The following TMEM232 variants were observed in gnomAD, a reference collection of about 807,000 sequenced individuals.
TMEM232 encodes transmembrane protein 232.
A neutral mutation model predicts 78.8 loss-of-function variants in TMEM232; 80 were observed. The observed-to-expected ratio is 1.01, with a 90% CI of 0.85 to 1.22. TMEM232 has a LOEUF of 1.22. TMEM232 is among the 50% of genes most tolerant of loss of function. The pLI is 0.00. For synonymous variants in TMEM232, 297 were observed against 254.3 expected (o/e 1.17, Z -1.60); for missense variants, 881 against 742.2 (o/e 1.19, Z -2.17).
intron 1 of TMEM232, among the ~76,000 whole-genome samples, chr5:110,680,901 G>C (rs1792661343): frequency 6.6e-6 from 1 of 152,000 alleles, no homozygotes; most frequent in Non-Finnish European, 1.5e-5. Context: ...AAGGAGAGAG[G>C]AAAATGGGGT....
intron 2 of TMEM232, among the ~76,000 whole-genome samples, chr5:110,732,646 TC>T (rs35354783): frequency 6.6e-6 from 1 of 152,074 alleles, no homozygotes; most frequent in Non-Finnish European, 1.5e-5. Flanking sequence ...TTCAATTACC[TC>T]CCCCTGGGTC....
At chr5:110,470,478 T>A (rs1210403651) in intron 12 of TMEM232, among the ~76,000 whole-genome samples, 1 of 152,100 alleles carries the variant, frequency 6.6e-6, no homozygotes, top group Non-Finnish European at 1.5e-5. Context: ...CTGCAGCTGC[T>A]TAGGAACCAA....
At chr5:110,734,538 A>G (rs1432486642) in intron 2 of TMEM232, among the ~76,000 whole-genome samples, 2 of 152,238 alleles carry the variant, frequency 1.3e-5, no homozygotes, top group African/African-American at 4.8e-5. Flanking sequence ...ATTAAGTCCA[A>G]TAATTCGGGA....
intron 2 of TMEM232, among the ~76,000 whole-genome samples, chr5:110,660,815 C>G (rs1288159709): frequency 2.0e-5 from 3 of 152,106 alleles, no homozygotes; most frequent in Non-Finnish European, 2.9e-5. Context: ...TCACCTCAAG[C>G]ATTTATCATT....
intron 12 of TMEM232, among the ~76,000 whole-genome samples, chr5:110,521,229 T>A (rs576877792): frequency 1.3e-5 from 2 of 152,176 alleles, no homozygotes; most frequent in Non-Finnish European, 1.5e-5. Context: ...ACATTGAACA[T>A]TGTCATATAC....
intron 1 of TMEM232, among the ~76,000 whole-genome samples, chr5:110,667,982 C>G (rs1304543886): frequency 6.6e-6 from 1 of 151,954 alleles, no homozygotes; most frequent in African/African-American, 2.4e-5. Context: ...ACTAAGACAT[C>G]CTATTTGTGT....
At position 110,545,663 on chromosome 5, in the gene TMEM232, G is replaced by C. The variant is rs560050148; in HGVS notation, c.1456-16828C>G. Among the ~76,000 whole-genome samples, 465 of 152,002 alleles carry C rather than the reference G, an allele frequency of 3.1e-3. 3 individuals are homozygous for C. The highest frequency in any genetic ancestry group is 0.011 in the African/African-American group (444 of 41,496). ...TTTGCTGCTCTATAGAGCACATTAG[G>C]GATATGGAAATATCATTAAGAATAA... On this transcript the variant is annotated intron_variant, in intron 11 of 13. Coordinates refer to ENST00000455884, the MANE Select transcript of TMEM232 (RefSeq NM_001039763.4).
chr5:110,515,684 A>G (rs1334769022), intron 12 of TMEM232, among the ~76,000 whole-genome samples: 2 of 152,126 alleles, frequency 1.3e-5, no homozygotes, highest in Non-Finnish European at 2.9e-5. Context: ...TTCTTAACCT[A>G]TTTCATGGGG....
chr5:110,432,574 A>G (rs889383390), intron 12 of TMEM232, among the ~76,000 whole-genome samples: 3 of 151,722 alleles, frequency 2.0e-5, no homozygotes, highest in African/African-American at 7.2e-5. Context: ...TACATAATCG[A>G]GACTACCACA....
intron 12 of TMEM232, among the ~76,000 whole-genome samples, chr5:110,482,609 T>A (rs1257962026): frequency 1.3e-5 from 2 of 149,492 alleles, no homozygotes; most frequent in African/African-American, 2.5e-5. Flanking sequence ...ATATATATAT[T>A]ATTTTTAATT....
chr5:110,732,109 A>T (rs1321313450), intron 2 of TMEM232, among the ~76,000 whole-genome samples: 3 of 152,220 alleles, frequency 2.0e-5, no homozygotes, highest in South Asian at 4.1e-4. Flanking sequence ...TTGCTGAAAT[A>T]TAACAAGAGT....
intron 12 of TMEM232, among the ~76,000 whole-genome samples, chr5:110,444,532 T>C (rs1232847828): frequency 6.6e-6 from 1 of 152,160 alleles, no homozygotes; most frequent in South Asian, 2.1e-4. Flanking sequence ...TCAAGTACTA[T>C]GGTTCTTGTG....
chr5:110,425,550 T>C (rs539994532), intron 12 of TMEM232, among the ~76,000 whole-genome samples: 1 of 151,926 alleles, frequency 6.6e-6, no homozygotes, highest in African/African-American at 2.4e-5. Flanking sequence ...TTCAAAAAAG[T>C]CTAGTCAATT....
At chr5:110,648,616 C>T (rs1449823181) in intron 2 of TMEM232, among the ~76,000 whole-genome samples, 1 of 151,730 alleles carries the variant, frequency 6.6e-6, no homozygotes. Context: ...AATTCCATTC[C>T]CCTAAAAAAA....
exon 5 of TMEM232, chr5:110,387,869 T>C (rs1755044594): frequency 6.6e-6 from 1 of 152,166 alleles, no homozygotes; most frequent in Non-Finnish European, 1.5e-5. Flanking sequence ...TCCTTTTCGC[T>C]GATTAATGTT....
At chr5:110,507,803 AT>A (rs993214083) in intron 12 of TMEM232, among the ~76,000 whole-genome samples, 2 of 152,044 alleles carry the variant, frequency 1.3e-5, no homozygotes, top group East Asian at 1.9e-4. Context: ...TCAGATTTCT[AT>A]TTTTTTTAAA....
intron 11 of TMEM232, among the ~76,000 whole-genome samples, chr5:110,552,923 A>G (rs987176893): frequency 2.0e-5 from 3 of 152,050 alleles, no homozygotes; most frequent in African/African-American, 7.2e-5. Flanking sequence ...TGTGTATGGT[A>G]TAAGGAAGGG....
intron 1 of TMEM232, among the ~76,000 whole-genome samples, chr5:110,709,283 G>C (rs187215301): frequency 6.6e-6 from 1 of 152,226 alleles, no homozygotes; most frequent in East Asian, 1.9e-4. Context: ...CGAATGAATA[G>C]CTGGAGACTT....
chr5:110,667,464 C>T (rs567333391), intron 1 of TMEM232, 100 bp from the exon 2 acceptor site: 7 of 901,764 alleles, frequency 7.8e-6, no homozygotes, highest in African/African-American at 1.8e-5. Context: ...ATAGCAAGAA[C>T]TAAAGTTAGG....
Sources: allele counts gnomAD v4.1 joint callset (sites outside exome capture counted in the v4.1 genomes callset), GRCh38; gene constraint gnomAD v4.1.1; transcripts MANE v1.5; gene names NCBI Gene and HGNC (gene_info 2026-07-23, HGNC 2026-07-21).